KIAA1549: variants seen among roughly 807,000 people sequenced by gnomAD.
KIAA1549 encodes KIAA1549.
In KIAA1549, 70 loss-of-function variants were observed where a neutral mutation model predicts 156.4. The ratio of observed to expected loss-of-function variants is 0.45; its 90% CI spans 0.37 to 0.55. The LOEUF (loss-of-function observed/expected upper bound fraction) is 0.55, where lower values mean the gene tolerates loss of function less well. Ranked by LOEUF, KIAA1549 falls within the 20% of genes least tolerant of loss-of-function variation. The probability of loss-of-function intolerance (pLI) is 0.00; values close to 1 mark genes in which losing one functional copy is unlikely to be tolerated. For missense variants in KIAA1549, 2,428 were observed against 2,540.9 expected (o/e 0.96, Z 0.96); for synonymous variants, 1,103 against 1,066.4 (o/e 1.03, Z -0.67).
intron 1 of KIAA1549, among the ~76,000 whole-genome samples, chr7:138,953,195 A>C (rs1230370114): frequency 6.6e-6 from 1 of 152,146 alleles, no homozygotes; most frequent in Non-Finnish European, 1.5e-5. Context: ...ATCTCTACTA[A>C]AAATACAAAA....
At chr7:138,850,760 C>A (rs1022307675) in intron 17 of KIAA1549, among the ~76,000 whole-genome samples, 1 of 152,176 alleles carries the variant, frequency 6.6e-6, no homozygotes, top group East Asian at 1.9e-4. Context: ...GCGTCTTCAT[C>A]ATGAAATCTT....
In KIAA1549 at chr7:138,832,401, G is replaced by C. The variant is rs1287798653; in HGVS notation, c.*5505C>G. The C allele has an allele frequency of 5.3e-6, 1 of 189,600 alleles. No homozygotes were observed. The highest frequency in any genetic ancestry group is 1.1e-5 in the Non-Finnish European group (1 of 90,470). 11.7% of individuals were successfully genotyped at this position (189,600 alleles called of 1,614,324 possible). A position where few individuals can be genotyped will look rare whatever the true frequency, so the allele number is the denominator to read the frequency against. On this transcript the variant is annotated 3_prime_UTR_variant, in exon 20 of 20. Transcript: ENST00000422774. ...TTTTGTAGAGACGGGGTCTCGTTAT[G>C]TTGCCCAAGGTGGTCTCAAACTCCT...
intron 16 of KIAA1549, among the ~76,000 whole-genome samples, 178 bp downstream of exon 16, chr7:138,860,961 C>T (rs1390757466): frequency 6.6e-6 from 1 of 152,196 alleles, no homozygotes; most frequent in Admixed American, 6.5e-5. Flanking sequence ...CCCACATAAA[C>T]GGATACCTCC....
chr7:138,884,041 C>G (rs115842806), intron 10 of KIAA1549, among the ~76,000 whole-genome samples: 3,567 of 152,236 alleles, frequency 0.023, 127 homozygotes, highest in African/African-American at 0.081. Context: ...CCCCAACCTT[C>G]AGGGAGGGAA....
In KIAA1549 at chr7:138,836,704, T is replaced by A; in HGVS notation, c.*1202A>T. 4.6e-6 allele frequency: 1 copy of A among 217,528 alleles called. No individual in the cohort carries two copies. The highest frequency in any genetic ancestry group is 9.2e-6 in the Non-Finnish European group (1 of 108,146). 13.5% of individuals were successfully genotyped at this position (217,528 alleles called of 1,614,324 possible). The stretch of plus-strand genomic sequence containing the variant: ...TAGCCCAAAGAGCATAAGACAATTT[T>A]AATAGCCACTCGACAGAGTAACAGC... On this transcript the variant is annotated 3_prime_UTR_variant, in exon 20 of 20. Transcript: ENST00000422774.
chr7:138,841,528 T>A (rs944474781), intron 18 of KIAA1549, among the ~76,000 whole-genome samples: 3 of 152,144 alleles, frequency 2.0e-5, no homozygotes, highest in African/African-American at 7.2e-5. Flanking sequence ...TATACCTATA[T>A]TGCAAATTAA....
intron 4 of KIAA1549, among the ~76,000 whole-genome samples, chr7:138,910,543 G>A (rs759928404): frequency 1.1e-4 from 16 of 151,712 alleles, no homozygotes; most frequent in Admixed American, 2.0e-4. Flanking sequence ...GATTACAGGC[G>A]TATGCCACCA....
chr7:138,881,001 G>A (rs1239367875), intron 11 of KIAA1549, among the ~76,000 whole-genome samples: 1 of 152,226 alleles, frequency 6.6e-6, no homozygotes, highest in Admixed American at 6.5e-5. Context: ...AGTCCACACA[G>A]GCTGAGCGTG....
chr7:138,847,025 C>A (rs998234277), intron 17 of KIAA1549, among the ~76,000 whole-genome samples: 1 of 152,176 alleles, frequency 6.6e-6, no homozygotes, highest in African/African-American at 2.4e-5. Context: ...CATGCTCCTC[C>A]TTCAAGAACT....
chr7:138,863,713 C>T (rs1810654914), intron 15 of KIAA1549, among the ~76,000 whole-genome samples: 2 of 152,188 alleles, frequency 1.3e-5, no homozygotes, highest in African/African-American at 2.4e-5. Context: ...CGACTGCCCT[C>T]GTGGGATGGG....
intron 1 of KIAA1549, among the ~76,000 whole-genome samples, chr7:138,976,051 G>A (rs1292291839): frequency 6.6e-6 from 1 of 152,076 alleles, no homozygotes; most frequent in Non-Finnish European, 1.5e-5. Flanking sequence ...AACAAAAAAT[G>A]CTTATTTTAT....
intron 1 of KIAA1549, among the ~76,000 whole-genome samples, chr7:138,954,595 T>C (rs1418240788): frequency 6.6e-6 from 1 of 152,148 alleles, no homozygotes; most frequent in Non-Finnish European, 1.5e-5. Flanking sequence ...AGGTAATTCC[T>C]CTGCCTCCGT....
rs774795805 is a variant in KIAA1549, at chr7:138,918,567, T to G, written c.1059A>C (p.Ala353=). Residue 353 remains alanine, a synonymous_variant, in exon 2 of 20, where the codon GCA becomes GCC. Coordinates refer to ENST00000422774, the MANE Select transcript of KIAA1549 (RefSeq NM_001164665.2). This position sits in a 1 kb window ranked among gnomAD's most constrained non-coding sequence, Gnocchi z 4.2. Reference sequence around the variant, plus strand: ...GCAATGGAGAATGTGTCCTGCTGAATGCAAGGGCTGCGTGCGATGCAGTCA... The same window carrying G: ...GCAATGGAGAATGTGTCCTGCTGAAGGCAAGGGCTGCGTGCGATGCAGTCA... ...PTVTASHAAL[A]FSRTHSPLLS... is the part of the protein sequence containing the mutation. 2 of 1,614,066 alleles carry G rather than the reference T, an allele frequency of 1.2e-6. No individual in the cohort carries two copies. The highest frequency in any genetic ancestry group is 8.5e-7 in the Non-Finnish European group (1 of 1,179,898).
chr7:138,970,879 G>T (rs984949202), intron 1 of KIAA1549, among the ~76,000 whole-genome samples: 1 of 152,132 alleles, frequency 6.6e-6, no homozygotes, highest in African/African-American at 2.4e-5. Context: ...CAGACTGTCC[G>T]GCTCCACAAT....
At chr7:138,876,816 C>G (rs1811097232) in intron 12 of KIAA1549, among the ~76,000 whole-genome samples, 1 of 152,190 alleles carries the variant, frequency 6.6e-6, no homozygotes, top group South Asian at 2.1e-4. Context: ...ACAGTGACAT[C>G]TGAGTAAATA....
intron 15 of KIAA1549, among the ~76,000 whole-genome samples, chr7:138,867,240 G>GA (rs1810772743): frequency 1.3e-5 from 2 of 152,120 alleles, no homozygotes; most frequent in South Asian, 4.1e-4. Flanking sequence ...ACCCAGCCAG[G>GA]CTAGCTCAGT....
intron 7 of KIAA1549, among the ~76,000 whole-genome samples, chr7:138,904,403 C>T (rs1204233500): frequency 6.6e-6 from 1 of 152,184 alleles, no homozygotes; most frequent in Non-Finnish European, 1.5e-5. Flanking sequence ...ACGTGGGATG[C>T]TGTGTGTTCG....
intron 1 of KIAA1549, among the ~76,000 whole-genome samples, chr7:138,942,365 TAAACAACA>T (rs1813209210): frequency 1.3e-5 from 2 of 151,520 alleles, no homozygotes; most frequent in African/African-American, 4.9e-5. Context: ...TCAGGAGGTT[TAAACAACA>T]TGTAAAAGAG....
rs1269100444 is a variant in KIAA1549 at position 138,918,247 on chromosome 7, C to A, written c.1379G>T (p.Ser460Ile). 2 of 1,613,852 alleles carry A rather than the reference C, an allele frequency of 1.2e-6. No homozygotes were observed. The highest frequency in any genetic ancestry group is 2.7e-5 in the African/African-American group (2 of 74,918). ...TACGACGCTACTCATTAGAGAGATG[C>A]TGCTTTCTTCCAGCACGGTCATGCA... ...TLCMTVLEESSISLMSSVVAD... is the reference protein window; with the variant it reads ...TLCMTVLEESIISLMSSVVAD... Residue 460 changes from serine (S) to isoleucine (I), a missense_variant, in exon 2 of 20, where the codon AGC becomes ATC. Coordinates refer to ENST00000422774, the MANE Select transcript of KIAA1549 (RefSeq NM_001164665.2). The surrounding 1 kb of genome is among the most constrained non-coding windows in gnomAD (Gnocchi z 4.2).
Sources: allele counts gnomAD v4.1 joint callset (sites outside exome capture counted in the v4.1 genomes callset), GRCh38; gene constraint gnomAD v4.1.1; non-coding constraint Gnocchi (gnomAD v3.1); transcripts MANE v1.5; gene names NCBI Gene and HGNC (gene_info 2026-07-23, HGNC 2026-07-21).